The following PIAS1 variants were observed in gnomAD, a reference collection of about 807,000 sequenced individuals.
PIAS1 encodes E3 SUMO-protein ligase PIAS1.
Under a neutral mutation model 71.3 loss-of-function variants are expected in PIAS1, and 6 were observed. The observed-to-expected ratio is 0.08, with a 90% CI of 0.05 to 0.17. PIAS1 has a LOEUF of 0.17. Among genes scored for constraint, PIAS1 ranks in the 10% least tolerant of loss-of-function variants. PIAS1 has a pLI of 1.00. For synonymous variants in PIAS1, 303 were observed against 292.9 expected, an observed-to-expected ratio of 1.03 and a Z score of -0.35; for missense variants, 555 against 793.6, an observed-to-expected ratio of 0.70 and a Z score of 3.61.
rs755989533 is a variant in PIAS1 at position 68,145,879 on chromosome 15, A to G, written c.666A>G (p.Lys222=). 7 of 1,611,242 alleles carry G rather than the reference A, an allele frequency of 4.3e-6. No homozygotes were observed. The East Asian group carries it at 1.6e-4, about 36-fold the overall frequency. ...ACTTCCCACCCAATCTTTGTGTGAA[A>G]GTGAATACAAAACCTTGCAGCCTTC... ...EDHFPPNLCV[K]VNTKPCSLPG... The change falls in exon 5 of 14, where the codon AAA becomes AAG. Residue 222 remains lysine, a synonymous_variant. Transcript: ENST00000249636.
chr15:68,114,545 G>A (rs2092549535), intron 2 of PIAS1, among the ~76,000 whole-genome samples: 1 of 152,006 alleles, frequency 6.6e-6, no homozygotes, highest in South Asian at 2.1e-4. Flanking sequence ...TTCGTAGATA[G>A]GAACTTTAGT....
In PIAS1 at chr15:68,174,143, A is replaced by G. The variant is rs1473660433; in HGVS notation, c.1169+251A>G. On this transcript the variant is annotated intron_variant, in intron 9 of 13. Transcript: ENST00000249636. The surrounding 1 kb of genome is among the most constrained non-coding windows in gnomAD (Gnocchi z 4.0). Reference sequence around the variant, plus strand: ...CCTCCTGGCATTTGTCGTTGAAAGCACTGGTGCTTTTAAGCAGGGTGTGCT... The same window carrying G: ...CCTCCTGGCATTTGTCGTTGAAAGCGCTGGTGCTTTTAAGCAGGGTGTGCT... 6.6e-6 allele frequency among the ~76,000 whole-genome samples: 1 copy of G among 152,214 alleles called. No homozygotes were observed. Among genetic ancestry groups the G allele is most frequent in the African/African-American group, 2.4e-5 (1 of 41,448 alleles).
At chr15:68,160,809 A>G (rs747226043) in intron 7 of PIAS1, among the ~76,000 whole-genome samples, 2 of 152,196 alleles carry the variant, frequency 1.3e-5, no homozygotes, top group Non-Finnish European at 2.9e-5. Context: ...CCTCAGTGTA[A>G]TAAAGAGTAT....
chr15:68,085,416 A>C (rs1246207221), intron 1 of PIAS1, among the ~76,000 whole-genome samples: 1 of 152,240 alleles, frequency 6.6e-6, no homozygotes, highest in Non-Finnish European at 1.5e-5. Context: ...GTTTGCGAAC[A>C]TAGGTAAACA....
At chr15:68,069,702 G>A (rs563275543) in intron 1 of PIAS1, among the ~76,000 whole-genome samples, 1 of 151,930 alleles carries the variant, frequency 6.6e-6, no homozygotes, top group African/African-American at 2.4e-5. Flanking sequence ...TACTTGGGAG[G>A]CTGAGGCAGG....
At chr15:68,068,531 C>T (rs963039599) in intron 1 of PIAS1, among the ~76,000 whole-genome samples, 2 of 152,112 alleles carry the variant, frequency 1.3e-5, no homozygotes, top group Non-Finnish European at 2.9e-5. Flanking sequence ...CGGCTCACTG[C>T]AACCTCTGCC....
chr15:68,070,738 T>TAG (rs35299519), intron 1 of PIAS1, among the ~76,000 whole-genome samples: 5,043 of 152,284 alleles, frequency 0.033, 195 homozygotes, highest in African/African-American at 0.094. Context: ...AATAATATTT[T>TAG]GTTTATTGGA....
In PIAS1 at chr15:68,181,361, C is replaced by T; in HGVS notation, c.1624+7C>T. The T allele has an allele frequency of 6.2e-7, 1 of 1,612,484 alleles. No individual in the cohort carries two copies. The highest frequency in any genetic ancestry group is 8.5e-7 in the Non-Finnish European group (1 of 1,178,746). ...ATGCCTTACGACTTACAAGGTGAGT[C>T]ACTGGTTCTTCTACATTGTCACATA... On this transcript the variant is annotated splice_region_variant and intron_variant, in intron 12 of 13. Transcript: ENST00000249636.
At chr15:68,134,961 G>A (rs1250658850) in intron 2 of PIAS1, among the ~76,000 whole-genome samples, 1 of 50,702 alleles carries the variant, frequency 2.0e-5, no homozygotes, top group African/African-American at 4.1e-5. Context: ...GCGGCCGGCC[G>A]GGGGGGCTAA....
intron 1 of PIAS1, among the ~76,000 whole-genome samples, chr15:68,067,016 A>G (rs549931985): frequency 6.6e-6 from 1 of 152,286 alleles, no homozygotes; most frequent in African/African-American, 2.4e-5. Flanking sequence ...TGTTTGGGGA[A>G]CAAGGCAGGA....
At chr15:68,181,034 T>C (rs187632899) in intron 11 of PIAS1, among the ~76,000 whole-genome samples, 178 bp from the exon 12 acceptor site, 15 of 152,346 alleles carry the variant, frequency 9.8e-5, no homozygotes, top group Admixed American at 3.9e-4. Flanking sequence ...AATGCTATTA[T>C]GTATACAAAT....
rs188642588 is a variant in PIAS1, at chr15:68,189,290, G to A, written c.*1455G>A. On this transcript the variant is annotated 3_prime_UTR_variant, in exon 14 of 14. Coordinates refer to ENST00000249636, the MANE Select transcript of PIAS1 (RefSeq NM_016166.3). ...GAGAAGGTATGATGTTCTCAGGTGT[G>A]GAAAATATTTTTTAGTTGATTGAGA... 3 of 152,248 alleles carry A rather than the reference G, an allele frequency of 2.0e-5. No individual in the cohort carries two copies. Among genetic ancestry groups the A allele is most frequent in the African/African-American group, 7.2e-5 (3 of 41,546 alleles). The allele number at this position is 152,248 out of a possible 1,614,324, so 9.4% of individuals were successfully genotyped here.
At chr15:68,061,312 C>T (rs2091956448) in intron 1 of PIAS1, 1 of 152,142 alleles carries the variant, frequency 6.6e-6, no homozygotes, top group African/African-American at 2.4e-5. Flanking sequence ...GCACTTTTTG[C>T]TAGATGTTTA....
At chr15:68,149,983 A>G (rs2092834241) in intron 6 of PIAS1, among the ~76,000 whole-genome samples, 1 of 152,110 alleles carries the variant, frequency 6.6e-6, no homozygotes, top group African/African-American at 2.4e-5. Flanking sequence ...TATTATATCA[A>G]TGATGTATTT....
intron 10 of PIAS1, among the ~76,000 whole-genome samples, chr15:68,176,078 T>C (rs544873787): frequency 6.6e-6 from 1 of 152,272 alleles, no homozygotes; most frequent in African/African-American, 2.4e-5. Flanking sequence ...GTAAAGGTTC[T>C]TTTTTCATTT....
intron 2 of PIAS1, among the ~76,000 whole-genome samples, chr15:68,132,816 T>G (rs1192910360): frequency 6.6e-6 from 1 of 152,148 alleles, no homozygotes; most frequent in East Asian, 1.9e-4. Flanking sequence ...TATTAAAAAG[T>G]TAGAAATACT....
chr15:68,152,905 T>C (rs1321366298), intron 6 of PIAS1, among the ~76,000 whole-genome samples: 1 of 150,370 alleles, frequency 6.7e-6, no homozygotes, highest in East Asian at 1.9e-4. Context: ...TTTTCTTTTT[T>C]TTTTTTTTTT....
At chr15:68,168,346 T>G (rs898519847) in intron 8 of PIAS1, among the ~76,000 whole-genome samples, 1 of 152,126 alleles carries the variant, frequency 6.6e-6, no homozygotes, top group Non-Finnish European at 1.5e-5. Context: ...CCTTTCCTTT[T>G]GCAAGGAAAA....
At chr15:68,088,519 G>C (rs2092306612) in intron 2 of PIAS1, among the ~76,000 whole-genome samples, 1 of 151,996 alleles carries the variant, frequency 6.6e-6, no homozygotes, top group Non-Finnish European at 1.5e-5. Flanking sequence ...GTCACCAAAT[G>C]AATAGGTGGT....
Sources: allele counts gnomAD v4.1 joint callset (sites outside exome capture counted in the v4.1 genomes callset), GRCh38; gene constraint gnomAD v4.1.1; non-coding constraint Gnocchi (gnomAD v3.1); transcripts MANE v1.5; gene names NCBI Gene and HGNC (gene_info 2026-07-23, HGNC 2026-07-21).